The following RAB20 variants were observed in gnomAD, a reference collection of about 807,000 sequenced individuals.
RAB20 encodes RAB20, member RAS oncogene family, also known as ras-related protein Rab-20.
Under a neutral mutation model 3.7 loss-of-function variants are expected in RAB20, and 2 were observed. That is an observed-to-expected ratio of 0.54 (90% CI 0.22 to 1.69). The LOEUF is 1.69. Among genes scored for constraint, RAB20 ranks in the 40% most tolerant of loss-of-function variants. RAB20 has a pLI of 0.19. For missense variants in RAB20, 276 were observed against 311.9 expected (o/e 0.88, Z 0.87); for synonymous variants, 126 against 130.8 (o/e 0.96, Z 0.25).
In RAB20 at chr13:110,555,141, G is replaced by A. The variant is rs1384599323; in HGVS notation, c.172+6207C>T. On this transcript the variant is annotated intron_variant, in intron 1 of 1. Coordinates refer to ENST00000267328, the MANE Select transcript of RAB20 (RefSeq NM_017817.3). This position sits in a 1 kb window ranked among gnomAD's most constrained non-coding sequence, Gnocchi z 4.0. ...ATGGAGCCTGCACAGAGCCTGGCAC[G>A]TGGCAGGGACCCACATACAGTGGCA... is the stretch of plus-strand genomic sequence containing the variant. Among the ~76,000 whole-genome samples the A allele has an allele frequency of 2.0e-5, 3 of 152,210 alleles. No homozygotes were observed. Among genetic ancestry groups the A allele is most frequent in the African/African-American group, 7.2e-5 (3 of 41,448 alleles).
chr13:110,554,877 G>A (rs1212087075), intron 1 of RAB20, among the ~76,000 whole-genome samples: 1 of 152,156 alleles, frequency 6.6e-6, no homozygotes, highest in Admixed American at 6.5e-5. Context: ...TTCGGCTTGG[G>A]AGGGAGGGAC....
rs1012738835 is a variant in RAB20, at chr13:110,555,066, C to T, written c.172+6282G>A. Among the ~76,000 whole-genome samples the T allele has an allele frequency of 6.6e-6, 1 of 152,150 alleles. No individual in the cohort carries two copies. Among genetic ancestry groups the T allele is most frequent in the African/African-American group, 2.4e-5 (1 of 41,428 alleles). ...TGCTTCCCAGTCTGTAGGACGGCAA[C>T]GTTGACGCCTCCCAGGAGGAGCCTT... On this transcript the variant is annotated intron_variant, in intron 1 of 1. Transcript: ENST00000267328. This position sits in a 1 kb window ranked among gnomAD's most constrained non-coding sequence, Gnocchi z 4.0.
chr13:110,536,729 T>TG lies in RAB20; in HGVS notation c.173-12533dup, dbSNP rs1387083202. 6.7e-4 allele frequency among the ~76,000 whole-genome samples: 9 copies of TG among 13,448 alleles called. 1 individual carries two copies. The East Asian group carries it at 0.013, about 19-fold the overall frequency. 8.8% of individuals were successfully genotyped at this position (13,448 alleles called of 152,430 possible). A position where few individuals can be genotyped will look rare whatever the true frequency, so the allele number is the denominator to read the frequency against. ...CTAAAATGGCTTTTTTTTGGGGCGG[T>TG]GGGGGGGGGTTGTTTTTATGTTTAT... On this transcript the variant is annotated intron_variant, in intron 1 of 1. Transcript: ENST00000267328.
intron 1 of RAB20, among the ~76,000 whole-genome samples, chr13:110,525,289 G>A (rs2477913): frequency 0.71 from 108,478 of 151,896 alleles, 38,830 homozygotes; most frequent in Middle Eastern, 0.73. Flanking sequence ...AGAGACCCCC[G>A]AACTGATGGC....
chr13:110,557,001 C>T (rs889493245), intron 1 of RAB20, among the ~76,000 whole-genome samples: 1 of 152,120 alleles, frequency 6.6e-6, no homozygotes, highest in South Asian at 2.1e-4. Context: ...CCCGGATTGG[C>T]CTAAACAGAT....
chr13:110,555,768 C>CTTTT lies in RAB20; in HGVS notation c.172+5579_172+5580insAAAA, dbSNP rs1417091304. ...GGCCAGGTCTCCCAGGTTGCTGAGC[C>CTTTT]CTTGGGTGGCAGATGGCGACTTTTA... is the stretch of plus-strand genomic sequence containing the variant. On this transcript the variant is annotated intron_variant, in intron 1 of 1. Coordinates refer to ENST00000267328, the MANE Select transcript of RAB20 (RefSeq NM_017817.3). This position sits in a 1 kb window ranked among gnomAD's most constrained non-coding sequence, Gnocchi z 4.0. Among the ~76,000 whole-genome samples the CTTTT allele has an allele frequency of 6.6e-6, 1 of 152,168 alleles. No homozygotes were observed. Among genetic ancestry groups the CTTTT allele is most frequent in the East Asian group, 1.9e-4 (1 of 5,188 alleles).
intron 1 of RAB20, among the ~76,000 whole-genome samples, chr13:110,546,994 T>C (rs1884863274): frequency 6.6e-6 from 1 of 152,006 alleles, no homozygotes; most frequent in African/African-American, 2.4e-5. Context: ...CCCGTCTGAG[T>C]CTCCCGAAGT....
chr13:110,547,066 T>C (rs1884865170), intron 1 of RAB20, among the ~76,000 whole-genome samples: 4 of 152,142 alleles, frequency 2.6e-5, no homozygotes, highest in South Asian at 4.1e-4. Context: ...CCACAAACAA[T>C]AGAAAGTGTT....
At chr13:110,548,077 A>G (rs770544059) in intron 1 of RAB20, among the ~76,000 whole-genome samples, 4 of 152,250 alleles carry the variant, frequency 2.6e-5, no homozygotes, top group African/African-American at 4.8e-5. Context: ...AAATACAAAT[A>G]GGAAACCTGG....
At chr13:110,532,119 C>T (rs1884551498) in intron 1 of RAB20, among the ~76,000 whole-genome samples, 1 of 152,154 alleles carries the variant, frequency 6.6e-6, no homozygotes, top group South Asian at 2.1e-4. Flanking sequence ...GGTGGGGAGA[C>T]TTAAAAAATA....
intron 1 of RAB20, among the ~76,000 whole-genome samples, chr13:110,537,848 GC>G (rs1183579465): frequency 2.8e-4 from 43 of 152,060 alleles, no homozygotes; most frequent in African/African-American, 9.9e-4. Flanking sequence ...AGTCACAGGG[GC>G]CCTGGTCACA....
chr13:110,537,991 A>C (rs1438693363), intron 1 of RAB20, among the ~76,000 whole-genome samples: 1 of 152,214 alleles, frequency 6.6e-6, no homozygotes, highest in East Asian at 1.9e-4. Context: ...AGAGTTAGAA[A>C]AAAGAATGAA....
intron 1 of RAB20, among the ~76,000 whole-genome samples, chr13:110,548,672 A>G (rs1055021995): frequency 8.6e-5 from 13 of 151,930 alleles, no homozygotes; most frequent in Admixed American, 2.0e-4. Context: ...TGAGGGGTCC[A>G]GGCTCCATCG....
rs147463764 is a variant in RAB20 at position 110,547,000 on chromosome 13, G to A, written c.172+14348C>T. Reference sequence around the variant, plus strand: ...AGGGATCCTCCCGTCTGAGTCTCCCGAAGTGCTGGGATTACAGGCGTGAGT... The same window carrying A: ...AGGGATCCTCCCGTCTGAGTCTCCCAAAGTGCTGGGATTACAGGCGTGAGT... On this transcript the variant is annotated intron_variant, in intron 1 of 1. Transcript: ENST00000267328. 7.0e-3 allele frequency among the ~76,000 whole-genome samples: 1,066 copies of A among 152,136 alleles called. 6 individuals are homozygous for A. Among genetic ancestry groups the A allele is most frequent in the South Asian group, 0.02 (98 of 4,816 alleles).
chr13:110,523,570 A>G lies in RAB20; in HGVS notation c.*95T>C, dbSNP rs941663943. Reference sequence around the variant, plus strand: ...TGCTGCGGGTGTCATTCTGGAAAATAATTCCTTGCTGTTCCTTGCTCCTTT... The same window carrying G: ...TGCTGCGGGTGTCATTCTGGAAAATGATTCCTTGCTGTTCCTTGCTCCTTT... On this transcript the variant is annotated 3_prime_UTR_variant, in exon 2 of 2. Transcript: ENST00000267328. 3 of 1,514,084 alleles carry G rather than the reference A, an allele frequency of 2.0e-6. No individual in the cohort carries two copies. Among genetic ancestry groups the G allele is most frequent in the South Asian group, 2.7e-5 (2 of 74,688 alleles). The allele number at this position is 1,514,084 out of a possible 1,614,324, so 93.8% of individuals were successfully genotyped here.
intron 1 of RAB20, among the ~76,000 whole-genome samples, chr13:110,545,784 C>A (rs1001323877): frequency 1.3e-5 from 2 of 152,174 alleles, no homozygotes; most frequent in African/African-American, 2.4e-5. Context: ...AAAAAGGGCA[C>A]AATAGGAGTC....
At chr13:110,553,272 T>G (rs1473261629) in intron 1 of RAB20, among the ~76,000 whole-genome samples, 1 of 152,198 alleles carries the variant, frequency 6.6e-6, no homozygotes. Context: ...CTGGTGTTCA[T>G]CTTAAATCCA....
intron 1 of RAB20, among the ~76,000 whole-genome samples, chr13:110,552,736 A>T (rs564637568): frequency 7.2e-6 from 1 of 139,312 alleles, no homozygotes; most frequent in African/African-American, 3.0e-5. Context: ...AATAAATAAA[A>T]ATTTCTATTT....
intron 1 of RAB20, among the ~76,000 whole-genome samples, chr13:110,533,932 C>T (rs781539181): frequency 7.2e-5 from 11 of 152,224 alleles, no homozygotes; most frequent in Non-Finnish European, 1.6e-4. Context: ...AAGGGCCCCA[C>T]GCAGTGGGCA....
Sources: allele counts gnomAD v4.1 joint callset (sites outside exome capture counted in the v4.1 genomes callset), GRCh38; gene constraint gnomAD v4.1.1; non-coding constraint Gnocchi (gnomAD v3.1); transcripts MANE v1.5; gene names NCBI Gene and HGNC (gene_info 2026-07-23, HGNC 2026-07-21).